Variants in PREPL observed in about 807,000 individuals in gnomAD.
PREPL encodes prolyl endopeptidase like.
PREPL carries 77 observed loss-of-function variants against 70.6 expected under a neutral mutation model. That is an observed-to-expected ratio of 1.09 (90% CI 0.91 to 1.32). The LOEUF (loss-of-function observed/expected upper bound fraction) is 1.32, where lower values mean the gene tolerates loss of function less well. Ranked by LOEUF, PREPL falls within the 40% of genes most tolerant of loss-of-function variation. The pLI is 0.00. For missense variants in PREPL, 1,002 were observed against 778.2 expected (o/e 1.29, Z -3.42); for synonymous variants, 315 against 264.8 (o/e 1.19, Z -1.84).
Position 44,338,372 on chromosome 2 carries a change from A to G in PREPL, c.867T>C (p.Asp289=). Residue 289 remains aspartate, a synonymous_variant, in exon 7 of 14, where the codon GAT becomes GAC. Coordinates refer to ENST00000409411, the MANE Select transcript of PREPL (RefSeq NM_001171613.2). ...ATACCTTTAGAGACCGAACTGAATC[A>G]TCAGCCAGACCAATCACATTAACAT... is the stretch of plus-strand genomic sequence containing the variant. The part of the protein sequence containing the change: ...LLYVNVIGLA[D]DSVRSLKLPP... 3.1e-6 allele frequency: 5 copies of G among 1,612,278 alleles called. No homozygotes were observed. The highest frequency in any genetic ancestry group is 4.2e-6 in the Non-Finnish European group (5 of 1,179,626).
intron 1 of PREPL, among the ~76,000 whole-genome samples, chr2:44,354,466 G>A (rs1457588639): frequency 6.6e-6 from 1 of 152,048 alleles, no homozygotes; most frequent in Non-Finnish European, 1.5e-5. Flanking sequence ...GACTCCTATG[G>A]CTTCAACTAC....
intron 1 of PREPL, among the ~76,000 whole-genome samples, chr2:44,348,810 TATTC>T (rs1434928345): frequency 6.6e-6 from 1 of 152,254 alleles, no homozygotes; most frequent in African/African-American, 2.4e-5. Context: ...TTTTATATAA[TATTC>T]ATTAAGTACT....
At chr2:44,345,298 G>C (rs562712078) in intron 2 of PREPL, among the ~76,000 whole-genome samples, 1 of 151,988 alleles carries the variant, frequency 6.6e-6, no homozygotes, top group Non-Finnish European at 1.5e-5. Context: ...TACTATGTAT[G>C]TGATTTTCAC....
At chr2:44,350,581 A>T (rs1676311405) in intron 1 of PREPL, among the ~76,000 whole-genome samples, 1 of 152,200 alleles carries the variant, frequency 6.6e-6, no homozygotes, top group Admixed American at 6.5e-5. Flanking sequence ...AATAATGTTC[A>T]TGTAAAACAA....
intron 11 of PREPL, 71 bp downstream of exon 11, chr2:44,323,191 C>A: frequency 7.0e-7 from 1 of 1,420,626 alleles, no homozygotes; most frequent in Non-Finnish European, 9.4e-7. Context: ...TTTGCTTCAG[C>A]TTGGATAAGT....
chr2:44,355,751 T>TTATATATATATATATA (rs112927329), intron 1 of PREPL, among the ~76,000 whole-genome samples: 56 of 141,354 alleles, frequency 4.0e-4, no homozygotes, highest in African/African-American at 1.4e-3. Context: ...AAACTACATA[T>TTATATATATATATATA]TATATATATA....
chr2:44,338,741 T>A (rs1161871638), intron 6 of PREPL, among the ~76,000 whole-genome samples: 1 of 152,152 alleles, frequency 6.6e-6, no homozygotes, highest in Admixed American at 6.6e-5. Context: ...AGACAGTATA[T>A]CCAGTGCTTA....
intron 1 of PREPL, chr2:44,360,568 G>A (rs1464617485): frequency 6.6e-6 from 1 of 152,192 alleles, no homozygotes; most frequent in Non-Finnish European, 1.5e-5. Context: ...TTGTCAGGAG[G>A]TAGCTTTTAT....
chr2:44,331,281 C>T (rs1572862546), intron 8 of PREPL, among the ~76,000 whole-genome samples: 1 of 152,040 alleles, frequency 6.6e-6, no homozygotes, highest in East Asian at 1.9e-4. Flanking sequence ...GTGGTGAGGT[C>T]TTGGCTCACT....
intron 10 of PREPL, among the ~76,000 whole-genome samples, chr2:44,324,767 G>C (rs1477179175): frequency 1.3e-5 from 2 of 151,998 alleles, no homozygotes; most frequent in African/African-American, 4.8e-5. Context: ...CATGCCTGTA[G>C]TCCCAGATAC....
intron 2 of PREPL, among the ~76,000 whole-genome samples, chr2:44,345,736 T>C (rs1340348450): frequency 6.6e-6 from 1 of 152,212 alleles, no homozygotes; most frequent in Non-Finnish European, 1.5e-5. Context: ...TTATACTACT[T>C]AAAGTGAATT....
At chr2:44,359,097 G>C (rs1177900360) in intron 1 of PREPL, among the ~76,000 whole-genome samples, 1 of 124,150 alleles carries the variant, frequency 8.1e-6, no homozygotes, top group African/African-American at 3.1e-5. Context: ...TTCAGACAGA[G>C]TCTCCCTGTC....
Position 44,317,993 on chromosome 2 carries a change from T to G in PREPL, c.*3363A>C. The stretch of plus-strand genomic sequence containing the variant: ...AAAGCTTGCAACCCAGCTATAGCTA[T>G]AAACACAAAAAATGAAGTTATCTTT... On this transcript the variant is annotated 3_prime_UTR_variant, in exon 14 of 14. Transcript: ENST00000409411. The G allele has an allele frequency of 2.1e-5, 7 of 340,486 alleles. No homozygotes were observed. The highest frequency in any genetic ancestry group is 4.1e-5 in the Non-Finnish European group (7 of 171,764). The allele number at this position is 340,486 out of a possible 1,614,324, so 21.1% of individuals were successfully genotyped here. A position where few individuals can be genotyped will look rare whatever the true frequency, so the allele number is the denominator to read the frequency against.
rs551571927 is a variant in PREPL at position 44,320,715 on chromosome 2, T to C, written c.*641A>G. 58 of 1,088,130 alleles carry C rather than the reference T, an allele frequency of 5.3e-5. No homozygotes were observed. The highest frequency in any genetic ancestry group is 7.9e-5 in the Non-Finnish European group (56 of 705,152). 67.4% of individuals were successfully genotyped at this position (1,088,130 alleles called of 1,614,324 possible). On this transcript the variant is annotated 3_prime_UTR_variant, in exon 14 of 14. Coordinates refer to ENST00000409411, the MANE Select transcript of PREPL (RefSeq NM_001171613.2). ...ATTTGTAATAGCTTCATGTACAGCATGCTGCTTGGTGAACAATCATTAATT... is the reference window on the plus strand; with the variant it reads ...ATTTGTAATAGCTTCATGTACAGCACGCTGCTTGGTGAACAATCATTAATT...
chr2:44,355,735 T>C (rs1325751010), intron 1 of PREPL, among the ~76,000 whole-genome samples: 4 of 142,640 alleles, frequency 2.8e-5, no homozygotes, highest in East Asian at 2.0e-4. Flanking sequence ...TTTTGCAAGA[T>C]ATACAAAACT....
chr2:44,328,564 A>G (rs767098625), intron 9 of PREPL, among the ~76,000 whole-genome samples: 3 of 152,066 alleles, frequency 2.0e-5, no homozygotes, highest in Non-Finnish European at 2.9e-5. Context: ...GTGGAGAAGA[A>G]TTTTAAGCAG....
At chr2:44,334,943 C>G (rs892462465) in intron 7 of PREPL, among the ~76,000 whole-genome samples, 1 of 152,088 alleles carries the variant, frequency 6.6e-6, no homozygotes, top group South Asian at 2.1e-4. Context: ...AATGCACTCA[C>G]GCTATGGTTA....
intron 1 of PREPL, among the ~76,000 whole-genome samples, chr2:44,349,380 T>G (rs1370771434): frequency 2.0e-5 from 3 of 152,074 alleles, no homozygotes; most frequent in South Asian, 4.1e-4. Flanking sequence ...AAGTGTCAAC[T>G]GAAGGGGTTT....
At position 44,339,294 on chromosome 2, in the gene PREPL, A is replaced by G; in HGVS notation, c.555T>C (p.Thr185=). Residue 185 remains threonine (T), a synonymous_variant, in exon 6 of 14, where the codon ACT becomes ACC. Transcript: ENST00000409411. Reference sequence around the variant, plus strand: ...GGCCATCTATCAACCACACTTCAGAAGTAGTCTTGTTCATAATATTTATGG... The same window carrying G: ...GGCCATCTATCAACCACACTTCAGAGGTAGTCTTGTTCATAATATTTATGG... ...FLTINIMNKT[T]SEVWLIDGLS... 1 of 1,614,052 alleles carries G rather than the reference A, an allele frequency of 6.2e-7. No individual in the cohort carries two copies. Among genetic ancestry groups the G allele is most frequent in the Non-Finnish European group, 8.5e-7 (1 of 1,179,980 alleles).
Sources: gnomAD v4.1 joint callset for allele counts (sites outside exome capture counted in the v4.1 genomes callset) on GRCh38, gnomAD v4.1.1 for gene constraint, MANE v1.5 for transcripts, NCBI Gene and HGNC (gene_info 2026-07-23, HGNC 2026-07-21) for gene names.